MPDZ: variants seen among roughly 807,000 people sequenced by gnomAD.
MPDZ encodes the protein multiple PDZ domain protein.
A neutral mutation model predicts 239.1 loss-of-function variants in MPDZ; 234 were observed. The ratio of observed to expected loss-of-function variants is 0.98; its 90% CI spans 0.88 to 1.09. The LOEUF is 1.09. Among genes scored for constraint, MPDZ ranks in the 50% least tolerant of loss-of-function variants. The pLI, the probability that MPDZ is intolerant of heterozygous loss-of-function variation, is 0.00. For synonymous variants in MPDZ, 1,048 were observed against 881.3 expected (o/e 1.19, Z -3.35); for missense variants, 3,175 against 2,510.0 (o/e 1.26, Z -5.66).
chr9:13,220,692 T>C (rs1056759669), intron 7 of MPDZ, among the ~76,000 whole-genome samples: 2 of 151,980 alleles, frequency 1.3e-5, no homozygotes, highest in Non-Finnish European at 2.9e-5. Context: ...CAGGGAATAT[T>C]TGATGAGCTG....
At chr9:13,149,251 G>C (rs1397353795) in intron 25 of MPDZ, among the ~76,000 whole-genome samples, 1 of 151,976 alleles carries the variant, frequency 6.6e-6, no homozygotes, top group East Asian at 1.9e-4. Context: ...TCCGTCTAAG[G>C]CTCTCAAAGA....
intron 3 of MPDZ, among the ~76,000 whole-genome samples, chr9:13,225,316 G>C (rs1960204408): frequency 6.6e-6 from 1 of 151,968 alleles, no homozygotes; most frequent in South Asian, 2.1e-4. Context: ...TATAACTTAT[G>C]TATAAACTCT....
intron 21 of MPDZ, among the ~76,000 whole-genome samples, chr9:13,174,567 T>C (rs1445108773): frequency 2.0e-5 from 3 of 152,172 alleles, no homozygotes; most frequent in Non-Finnish European, 4.4e-5. Flanking sequence ...TTCTTAAATT[T>C]ATCTCATCCC....
chr9:13,119,937 C>G (rs1398284108), intron 38 of MPDZ: 4 of 347,810 alleles, frequency 1.2e-5, no homozygotes, highest in Non-Finnish European at 5.3e-6. Flanking sequence ...TTTTATGGGT[C>G]ACTCGGCTAC....
intron 3 of MPDZ, among the ~76,000 whole-genome samples, chr9:13,227,882 A>G (rs1961129003): frequency 2.0e-5 from 3 of 152,108 alleles, no homozygotes; most frequent in African/African-American, 7.2e-5. Context: ...CCACCATACA[A>G]AAGTCTTATT....
chr9:13,171,209 C>T (rs1224890586), intron 21 of MPDZ, among the ~76,000 whole-genome samples: 1 of 152,098 alleles, frequency 6.6e-6, no homozygotes, highest in Non-Finnish European at 1.5e-5. Context: ...AAAATTTAGT[C>T]ACAAAACTAA....
chr9:13,173,160 T>A (rs1444677513), intron 21 of MPDZ, among the ~76,000 whole-genome samples: 1 of 152,186 alleles, frequency 6.6e-6, no homozygotes, highest in South Asian at 2.1e-4. Context: ...AGCGTTTCAA[T>A]TGGGGAACCC....
At chr9:13,189,084 TGTC>T in intron 16 of MPDZ, 91 bp from the exon 17 acceptor site, 2 of 1,080,184 alleles carry the variant, frequency 1.9e-6, no homozygotes, top group Non-Finnish European at 2.6e-6. Flanking sequence ...AATGAGTAAT[TGTC>T]TCAAGTGCCT....
intron 32 of MPDZ, among the ~76,000 whole-genome samples, chr9:13,131,703 G>A (rs1946022092): frequency 2.0e-5 from 3 of 152,164 alleles, no homozygotes; most frequent in African/African-American, 7.2e-5. Context: ...ATACTTTCTA[G>A]AGGGTGGATG....
chr9:13,117,074 G>T (rs1240602967), intron 39 of MPDZ, among the ~76,000 whole-genome samples: 1 of 151,652 alleles, frequency 6.6e-6, no homozygotes, highest in African/African-American at 2.4e-5. Flanking sequence ...CATAAAATAA[G>T]GTTTAATTTA....
rs554320380 is a variant in MPDZ at position 13,206,822 on chromosome 9, G to A, written c.1291-723C>T. On this transcript the variant is annotated intron_variant, in intron 10 of 46. Transcript: ENST00000319217. ...CTCCCAAAGTGCTGAGATTACAGGC[G>A]TGAGCCACTGCACCCGGCCTACTTT... 1.9e-4 allele frequency among the ~76,000 whole-genome samples: 29 copies of A among 152,166 alleles called. 2 individuals carry two copies. In the East Asian group the frequency reaches 5.2e-3, roughly 27 times the overall value.
intron 10 of MPDZ, among the ~76,000 whole-genome samples, chr9:13,208,245 G>A (rs994341961): frequency 1.3e-5 from 2 of 152,158 alleles, no homozygotes; most frequent in Admixed American, 6.5e-5. Context: ...ACAGTTTGAG[G>A]CCAGCCTGGG....
At position 13,176,319 on chromosome 9, in the gene MPDZ, T is replaced by G. The variant is rs1952484485; in HGVS notation, c.2748A>C (p.Thr916=). ...GCCCCATACTTATGTCCACCGAAGG[T>G]GTATTCTCATCCTGTCTTTGCAGGA... ...QNLLQRQDEN[T]PSVDISMGPA... The change falls in exon 20 of 47, where the codon ACA becomes ACC. Residue 916 remains threonine (T), a synonymous_variant. Transcript: ENST00000319217. 1.2e-6 allele frequency: 2 copies of G among 1,609,388 alleles called. No homozygotes were observed. The highest frequency in any genetic ancestry group is 1.7e-6 in the Non-Finnish European group (2 of 1,177,554).
intron 25 of MPDZ, among the ~76,000 whole-genome samples, chr9:13,148,366 C>T (rs961161011): frequency 1.3e-5 from 2 of 152,036 alleles, no homozygotes; most frequent in African/African-American, 4.8e-5. Flanking sequence ...AATGCTAATT[C>T]TGTCAGAAAA....
At position 13,108,239 on chromosome 9, in the gene MPDZ, A is replaced by G. The variant is rs182542439; in HGVS notation, c.6066+697T>C. On this transcript the variant is annotated intron_variant, in intron 46 of 46. Coordinates refer to ENST00000319217, the MANE Select transcript of MPDZ (RefSeq NM_001378778.1). ...CTTGTCGAATTTTGTAGCCCCTGAA[A>G]AACGACTTAACATATTAACAATAAT... Among the ~76,000 whole-genome samples the G allele has an allele frequency of 7.2e-5, 11 of 152,226 alleles. No homozygotes were observed. The East Asian group carries it at 1.5e-3, about 21-fold the overall frequency.
intron 22 of MPDZ, chr9:13,165,244 T>C (rs956810833): frequency 2.2e-6 from 2 of 921,992 alleles, no homozygotes; most frequent in African/African-American, 1.7e-5. Flanking sequence ...CAATCTAAAA[T>C]GTATATACAA....
In MPDZ at chr9:13,156,512, C is replaced by T. The variant is rs535565093; in HGVS notation, c.3452+1506G>A. On this transcript the variant is annotated intron_variant, in intron 24 of 46. Transcript: ENST00000319217. ...AAAAGAGCTTGTGCAGGGCAACTCC[C>T]GTTTTTAAAACCATCAGGTCTCCTG... Among the ~76,000 whole-genome samples, 351 of 152,236 alleles carry T rather than the reference C, an allele frequency of 2.3e-3. 1 individual carries two copies. The highest frequency in any genetic ancestry group is 8.5e-3 in the South Asian group (41 of 4,820).
chr9:13,158,130 A>G lies in MPDZ; in HGVS notation c.3360-20T>C. The stretch of plus-strand genomic sequence containing the variant: ...ATGTCTCTGGTTAAAGAATTACACA[A>G]TGAGTACCCCAAAATCCTAGTAAAA... On this transcript the variant is annotated intron_variant, in intron 23 of 46. Coordinates refer to ENST00000319217, the MANE Select transcript of MPDZ (RefSeq NM_001378778.1). The G allele has an allele frequency of 2.5e-6, 4 of 1,589,822 alleles. No homozygotes were observed. The highest frequency in any genetic ancestry group is 3.5e-6 in the Non-Finnish European group (4 of 1,159,050).
chr9:13,159,027 A>G (rs1339413349), intron 23 of MPDZ, among the ~76,000 whole-genome samples: 1 of 152,190 alleles, frequency 6.6e-6, no homozygotes, highest in Non-Finnish European at 1.5e-5. Context: ...TTTTCAGTTG[A>G]TATTTACAGA....
Sources: gnomAD v4.1 joint callset for allele counts (sites outside exome capture counted in the v4.1 genomes callset) on GRCh38, gnomAD v4.1.1 for gene constraint, MANE v1.5 for transcripts, NCBI Gene and HGNC (gene_info 2026-07-23, HGNC 2026-07-21) for gene names.